The following ZNF93 variants were observed in gnomAD, a reference collection of about 807,000 sequenced individuals.
ZNF93 encodes the protein zinc finger protein 505.
ZNF93 carries 29 observed loss-of-function variants against 45.0 expected under a neutral mutation model. The ratio of observed to expected loss-of-function variants is 0.64; its 90% CI spans 0.48 to 0.88. The LOEUF (loss-of-function observed/expected upper bound fraction) is 0.88, where lower values mean the gene tolerates loss of function less well. ZNF93 is among the 40% of genes least tolerant of loss of function. The pLI is 0.00. For missense variants in ZNF93, 578 were observed against 724.0 expected (o/e 0.80, Z 2.31); for synonymous variants, 223 against 244.6 (o/e 0.91, Z 0.82).
In ZNF93 at chr19:19,934,701, A is replaced by G. The variant is rs144775662; in HGVS notation, c.1746A>G (p.Ser582=). ...KAFNHSATLS[S]HKKIHSGEKP... is the part of the protein sequence containing the mutation. ...TTAACCATTCTGCAACCCTTTCTTC[A>G]CATAAGAAAATCCATTCTGGAGAGA... The change falls in exon 4 of 4, where the codon TCA becomes TCG. Residue 582 remains serine, a synonymous_variant. Transcript: ENST00000343769. The G allele has an allele frequency of 2.1e-4, 336 of 1,613,606 alleles. No homozygotes were observed. In the African/African-American group the frequency reaches 4.1e-3, roughly 19 times the overall value.
chr19:19,933,452 G>C lies in ZNF93; in HGVS notation c.497G>C (p.Arg166Thr). The C allele has an allele frequency of 6.2e-7, 1 of 1,603,766 alleles. No individual in the cohort carries two copies. The highest frequency in any genetic ancestry group is 8.5e-7 in the Non-Finnish European group (1 of 1,176,888). Residue 166 changes from arginine to threonine, a missense_variant, in exon 4 of 4, where the codon AGA becomes ACA. Around this residue, in one of 3 missense-constraint regions of ZNF93, gnomAD observed 446 missense variants for 547.6 expected, o/e 0.81. Transcript: ENST00000343769. ...TCAAATTCAAATAGACATAATATAA[G>C]ACATACTGAAAAAAAACCTTTCAAA... ...KFSNSNRHNI[R>T]HTEKKPFKCI...
At chr19:19,906,768 C>A (rs1290799445) in intron 1 of ZNF93, among the ~76,000 whole-genome samples, 1 of 151,812 alleles carries the variant, frequency 6.6e-6, no homozygotes, top group East Asian at 1.9e-4. Flanking sequence ...ATTTGAGCAC[C>A]ATTTATGAAA....
intron 3 of ZNF93, among the ~76,000 whole-genome samples, chr19:19,927,606 CAT>C (rs1215226655): frequency 1.3e-4 from 20 of 152,128 alleles, no homozygotes; most frequent in Admixed American, 1.3e-3. Context: ...ATTCAGGTGA[CAT>C]AATATTCACA....
At chr19:19,903,671 C>A (rs2063283585) in intron 1 of ZNF93, among the ~76,000 whole-genome samples, 2 of 152,056 alleles carry the variant, frequency 1.3e-5, no homozygotes, top group Admixed American at 1.3e-4. Context: ...GAGGCTGAGG[C>A]AGGAGAATCG....
At chr19:19,903,424 T>A (rs1325802611) in intron 1 of ZNF93, among the ~76,000 whole-genome samples, 1 of 151,966 alleles carries the variant, frequency 6.6e-6, no homozygotes, top group Non-Finnish European at 1.5e-5. Context: ...TAAACCTAAG[T>A]AAAGTTTGAT....
chr19:19,917,912 CTT>C (rs1331378658), intron 3 of ZNF93, among the ~76,000 whole-genome samples: 2 of 116,364 alleles, frequency 1.7e-5, no homozygotes, highest in Non-Finnish European at 3.1e-5. Context: ...ATTTCAGTGA[CTT>C]TCTTTCCTTC....
Position 19,933,557 on chromosome 19 carries a change from A to G in ZNF93, c.602A>G (p.Tyr201Cys), listed in dbSNP as rs1290732731. Residue 201 changes from tyrosine to cysteine, a missense_variant, in exon 4 of 4, where the codon TAC (tyrosine) becomes TGC (cysteine). Tyr to Cys is a radical substitution (Grantham distance 194, BLOSUM62 -2). Around this residue, in one of 3 missense-constraint regions of ZNF93, gnomAD observed 446 missense variants for 547.6 expected, o/e 0.81. Coordinates refer to ENST00000343769, the MANE Select transcript of ZNF93 (RefSeq NM_031218.4). ...HKKIHTGEKP[Y>C]ICEECGKAFK... The stretch of plus-strand genomic sequence containing the variant: ...AAAATTCATACTGGAGAGAAACCCT[A>G]CATTTGTGAAGAATGTGGCAAAGCC... 6.2e-7 allele frequency: 1 copy of G among 1,608,138 alleles called. No individual in the cohort carries two copies. The highest frequency in any genetic ancestry group is 2.2e-5 in the East Asian group (1 of 44,842).
intron 3 of ZNF93, among the ~76,000 whole-genome samples, chr19:19,923,692 C>T (rs892702712): frequency 6.6e-5 from 10 of 152,144 alleles, no homozygotes; most frequent in Non-Finnish European, 1.2e-4. Flanking sequence ...GAGCGAGGCT[C>T]CATGGGTGTA....
intron 1 of ZNF93, among the ~76,000 whole-genome samples, chr19:19,901,307 G>A (rs575151777): frequency 8.5e-5 from 13 of 152,310 alleles, no homozygotes; most frequent in Non-Finnish European, 1.3e-4. Flanking sequence ...TGCGGTGACT[G>A]TGCCCTGGCT....
At chr19:19,920,033 T>G (rs1032723158) in intron 3 of ZNF93, among the ~76,000 whole-genome samples, 3 of 152,178 alleles carry the variant, frequency 2.0e-5, no homozygotes, top group Non-Finnish European at 4.4e-5. Context: ...TGTGCCAGTT[T>G]TCAAAGGGAA....
intron 1 of ZNF93, among the ~76,000 whole-genome samples, chr19:19,913,904 T>G (rs570003101): frequency 2.0e-5 from 3 of 152,300 alleles, no homozygotes; most frequent in Admixed American, 2.0e-4. Context: ...CTGCCATGCG[T>G]TTAGTACTCA....
At chr19:19,904,068 A>G (rs2063285280) in intron 1 of ZNF93, among the ~76,000 whole-genome samples, 1 of 151,824 alleles carries the variant, frequency 6.6e-6, no homozygotes, top group Non-Finnish European at 1.5e-5. Flanking sequence ...GGAAAAAAAA[A>G]AAAAAAAAGA....
chr19:19,929,041 G>A (rs1599573141), intron 3 of ZNF93, among the ~76,000 whole-genome samples: 1 of 152,112 alleles, frequency 6.6e-6, no homozygotes, highest in East Asian at 1.9e-4. Flanking sequence ...TGGGTCATTG[G>A]GGGCAAATTT....
chr19:19,915,479 T>G (rs2063321170), intron 2 of ZNF93, 73 bp downstream of exon 2: 1 of 1,531,254 alleles, frequency 6.5e-7, no homozygotes, highest in Non-Finnish European at 8.8e-7. Flanking sequence ...AGAATGTTTT[T>G]TAGTAATTTA....
At chr19:19,907,962 T>C (rs552363101) in intron 1 of ZNF93, 1 of 152,248 alleles carries the variant, frequency 6.6e-6, no homozygotes, top group African/African-American at 2.4e-5. Flanking sequence ...GCAATTTTTT[T>C]AAATGCTACA....
chr19:19,928,110 T>C (rs1258629355), intron 3 of ZNF93, among the ~76,000 whole-genome samples: 1 of 152,234 alleles, frequency 6.6e-6, no homozygotes, highest in Non-Finnish European at 1.5e-5. Context: ...TTTTTATGTC[T>C]AAGTAGTTTA....
chr19:19,918,903 G>A (rs560260374), intron 3 of ZNF93, among the ~76,000 whole-genome samples: 42 of 151,272 alleles, frequency 2.8e-4, no homozygotes, highest in Non-Finnish European at 2.9e-4. Flanking sequence ...TCTGTAGGTT[G>A]CCTGTTCACT....
intron 3 of ZNF93, among the ~76,000 whole-genome samples, chr19:19,930,489 T>C (rs1326810554): frequency 6.7e-6 from 1 of 149,914 alleles, no homozygotes; most frequent in Non-Finnish European, 1.5e-5. Context: ...CTCCCTTTCC[T>C]GGTCCGCTAA....
chr19:19,902,913 A>G (rs189516289), intron 1 of ZNF93, among the ~76,000 whole-genome samples: 3 of 151,252 alleles, frequency 2.0e-5, no homozygotes, highest in South Asian at 4.2e-4. Flanking sequence ...ATTAAAAAAA[A>G]TTTTTTTAAT....
Sources: gnomAD v4.1 joint callset for allele counts (sites outside exome capture counted in the v4.1 genomes callset) on GRCh38, gnomAD v4.1.1 for gene constraint, gnomAD v4.1.1 regional missense constraint, MANE v1.5 for transcripts, NCBI Gene and HGNC (gene_info 2026-07-23, HGNC 2026-07-21) for gene names.